OSTM1: variants seen among roughly 807,000 people sequenced by gnomAD.
OSTM1 encodes osteopetrosis-associated transmembrane protein 1.
OSTM1 carries 26 observed loss-of-function variants against 35.4 expected under a neutral mutation model. That is an observed-to-expected ratio of 0.73 (90% CI 0.54 to 1.02). OSTM1 has a LOEUF of 1.02. OSTM1 is among the 50% of genes least tolerant of loss of function. OSTM1 has a pLI of 0.00. For missense variants in OSTM1, 366 were observed against 409.6 expected, an observed-to-expected ratio of 0.89 and a Z score of 0.92; for synonymous variants, 181 against 165.0, an observed-to-expected ratio of 1.10 and a Z score of -0.75.
chr6:108,050,623 A>G (rs1772060606), intron 4 of OSTM1, among the ~76,000 whole-genome samples: 1 of 152,124 alleles, frequency 6.6e-6, no homozygotes, highest in South Asian at 2.1e-4. Context: ...CAGCCTCCCA[A>G]AGTACTGGGA....
At chr6:108,062,882 C>T (rs1644183645) in intron 2 of OSTM1, among the ~76,000 whole-genome samples, 1 of 151,990 alleles carries the variant, frequency 6.6e-6, no homozygotes, top group Non-Finnish European at 1.5e-5. Flanking sequence ...AAAATGTTGG[C>T]CCAAATAGTA....
Position 108,044,735 on chromosome 6 carries a change from G to T in OSTM1, c.*50C>A. The T allele has an allele frequency of 9.8e-7, 1 of 1,023,966 alleles. No individual in the cohort carries two copies. Among genetic ancestry groups the T allele is most frequent in the Non-Finnish European group, 1.5e-6 (1 of 654,092 alleles). 63.4% of individuals were successfully genotyped at this position (1,023,966 alleles called of 1,614,324 possible). A position where few individuals can be genotyped will look rare whatever the true frequency, so the allele number is the denominator to read the frequency against. On this transcript the variant is annotated 3_prime_UTR_variant, in exon 6 of 6. Transcript: ENST00000193322. ...TATCTTCTTTCTGAAACCAAGTTGT[G>T]TCTTCCACCATTCATTCACGTGATA...
At position 108,074,444 on chromosome 6, in the gene OSTM1, G is replaced by T; in HGVS notation, c.208C>A (p.Pro70Thr). The T allele has an allele frequency of 6.4e-7, 1 of 1,558,228 alleles. No individual in the cohort carries two copies. Among genetic ancestry groups the T allele is most frequent in the African/African-American group, 1.4e-5 (1 of 73,710 alleles). ...GGCAGGTCCGGGGGCAGCGACAGAG[G>T]CCCCAGCCCTCCACCCTGCAGGAGG... ...LSLLQGGGLGPLSLPPDLPDL... is the reference protein window; with the variant it reads ...LSLLQGGGLGTLSLPPDLPDL... The change falls in exon 1 of 6, where the codon CCT becomes ACT. Residue 70 changes from proline to threonine, a missense_variant. Physicochemically the swap from Pro to Thr is conservative, Grantham distance 38 (BLOSUM62 -1). This residue lies in a region of OSTM1 where 236 missense variants were observed against 239.3 expected (regional missense o/e 0.99). Transcript: ENST00000193322.
At position 108,043,843 on chromosome 6, in the gene OSTM1, C is replaced by CTTA. The variant is rs1185862773; in HGVS notation, c.*941_*942insTAA. On this transcript the variant is annotated 3_prime_UTR_variant, in exon 6 of 6. Transcript: ENST00000193322. Reference sequence around the variant, plus strand: ...AACAGTCTTACAGTGAGCATCCTCTCAGGTCCCTTTCTGCTCGCTGAACCT... The same window carrying CTTA: ...AACAGTCTTACAGTGAGCATCCTCTCTTAAGGTCCCTTTCTGCTCGCTGAACCT... 1 of 152,218 alleles carries CTTA rather than the reference C, an allele frequency of 6.6e-6. No homozygotes were observed. Among genetic ancestry groups the CTTA allele is most frequent in the Non-Finnish European group, 1.5e-5 (1 of 68,030 alleles). 9.4% of individuals were successfully genotyped at this position (152,218 alleles called of 1,614,324 possible). A position where few individuals can be genotyped will look rare whatever the true frequency, so the allele number is the denominator to read the frequency against.
chr6:108,061,193 G>T (rs1390360438), intron 2 of OSTM1, among the ~76,000 whole-genome samples: 2 of 151,742 alleles, frequency 1.3e-5, no homozygotes, highest in Non-Finnish European at 2.9e-5. Flanking sequence ...AATTTTAAAA[G>T]TCAGTATTCA....
At chr6:108,071,247 G>C (rs1334452314) in intron 1 of OSTM1, among the ~76,000 whole-genome samples, 4 of 151,538 alleles carry the variant, frequency 2.6e-5, no homozygotes, top group Non-Finnish European at 5.9e-5. Flanking sequence ...CTCCCCAAGA[G>C]ACAACTAATT....
rs190019074 is a variant in OSTM1, at chr6:108,048,802, C to T, written c.949+451G>A. ...AGTCTCACTCTGTCTCCCAGGCTGGCGTGCAGTGGTGCGATCTCGGTTCAC... is the reference window on the plus strand; with the variant it reads ...AGTCTCACTCTGTCTCCCAGGCTGGTGTGCAGTGGTGCGATCTCGGTTCAC... On this transcript the variant is annotated intron_variant, in intron 5 of 5. Transcript: ENST00000193322. Among the ~76,000 whole-genome samples the T allele has an allele frequency of 1.1e-4, 15 of 136,568 alleles. No individual in the cohort carries two copies. The East Asian group carries it at 2.8e-3, about 25-fold the overall frequency. The allele number at this position is 136,568 out of a possible 152,430, so 89.6% of individuals were successfully genotyped here. A position where few individuals can be genotyped will look rare whatever the true frequency, so the allele number is the denominator to read the frequency against.
intron 2 of OSTM1, 77 bp from the exon 3 acceptor site, chr6:108,054,664 C>A: frequency 1.4e-6 from 1 of 710,408 alleles, no homozygotes; most frequent in Non-Finnish European, 2.5e-6. Flanking sequence ...CTTAAGCTAT[C>A]AGCTTCGTTT....
chr6:108,067,969 A>G (rs1772410193), intron 1 of OSTM1, among the ~76,000 whole-genome samples: 1 of 151,650 alleles, frequency 6.6e-6, no homozygotes, highest in African/African-American at 2.4e-5. Flanking sequence ...CACTCTTCCC[A>G]TGTCCTCATC....
At chr6:108,045,506 A>C (rs1582384855) in intron 5 of OSTM1, among the ~76,000 whole-genome samples, 2 of 152,030 alleles carry the variant, frequency 1.3e-5, no homozygotes, top group African/African-American at 2.4e-5. Context: ...TGGGAAAAAA[A>C]AAAAACAAAA....
chr6:108,053,638 G>A (rs1315847322), intron 3 of OSTM1, among the ~76,000 whole-genome samples: 1 of 152,144 alleles, frequency 6.6e-6, no homozygotes, highest in African/African-American at 2.4e-5. Flanking sequence ...GCTAAGTTTT[G>A]TATTTTTAGT....
In OSTM1 at chr6:108,042,606, G is replaced by A. The variant is rs1044208525; in HGVS notation, c.*2179C>T. ...AATTTTTGTATTTTTTGCAGAGACA[G>A]TGTTTCACTATGTTGTCCAGGCTGG... is the stretch of plus-strand genomic sequence containing the variant. On this transcript the variant is annotated 3_prime_UTR_variant, in exon 6 of 6. Transcript: ENST00000193322. 8 of 151,788 alleles carry A rather than the reference G, an allele frequency of 5.3e-5. No homozygotes were observed. The highest frequency in any genetic ancestry group is 3.9e-4 in the East Asian group (2 of 5,170). 9.4% of individuals were successfully genotyped at this position (151,788 alleles called of 1,614,324 possible).
chr6:108,060,194 A>G (rs1343785936), intron 2 of OSTM1, among the ~76,000 whole-genome samples: 1 of 152,180 alleles, frequency 6.6e-6, no homozygotes, highest in Non-Finnish European at 1.5e-5. Flanking sequence ...TTAATTGGGA[A>G]GAGTCTTTTA....
In OSTM1 at chr6:108,067,596, C is replaced by T. The variant is rs554463836; in HGVS notation, c.403-3297G>A. Among the ~76,000 whole-genome samples, 15 of 152,092 alleles carry T rather than the reference C, an allele frequency of 9.9e-5. No individual in the cohort carries two copies. In the East Asian group the frequency reaches 1.9e-3, roughly 20 times the overall value. ...CCTGTATCCCAATACTTTGGGAGGC[C>T]GAGGCAGGCAGATCACCTAAGGTCA... On this transcript the variant is annotated intron_variant, in intron 1 of 5. Coordinates refer to ENST00000193322, the MANE Select transcript of OSTM1 (RefSeq NM_014028.4).
rs117394334 is a variant in OSTM1, at chr6:108,044,638, C to T, written c.*147G>A. On this transcript the variant is annotated 3_prime_UTR_variant, in exon 6 of 6. Coordinates refer to ENST00000193322, the MANE Select transcript of OSTM1 (RefSeq NM_014028.4). ...AAGAAGTGGAAAAGGAAAGAAAAAT[C>T]GAAAATTCTTATTTAAAAATGGATC... 4 of 513,118 alleles carry T rather than the reference C, an allele frequency of 7.8e-6. No homozygotes were observed. The highest frequency in any genetic ancestry group is 3.1e-5 in the East Asian group (1 of 31,884). The allele number at this position is 513,118 out of a possible 1,614,324, so 31.8% of individuals were successfully genotyped here.
chr6:108,072,966 G>A (rs1772512497), intron 1 of OSTM1, among the ~76,000 whole-genome samples: 1 of 151,922 alleles, frequency 6.6e-6, no homozygotes, highest in East Asian at 1.9e-4. Context: ...GTGCCACCAC[G>A]CCCGGATAAT....
intron 1 of OSTM1, among the ~76,000 whole-genome samples, chr6:108,067,726 A>G (rs867306687): frequency 6.8e-6 from 1 of 146,752 alleles, no homozygotes; most frequent in Non-Finnish European, 1.5e-5. Context: ...GCTACTCAGG[A>G]GGCTGAGGCT....
Position 108,051,140 on chromosome 6 carries a change from C to A in OSTM1, c.674G>T (p.Arg225Leu). ...ACTACTCAGAGTTTTGTATGCTTCA[C>A]GGCAGTTTTTGCATACTTCTGAATA... is the stretch of plus-strand genomic sequence containing the variant. ...KNYSEVCKNC[R>L]EAYKTLSSLY... The change falls in exon 4 of 6, where the codon CGT becomes CTT. Residue 225 changes from arginine (R) to leucine (L), a missense_variant. Coordinates refer to ENST00000193322, the MANE Select transcript of OSTM1 (RefSeq NM_014028.4). 3 of 1,613,288 alleles carry A rather than the reference C, an allele frequency of 1.9e-6. No individual in the cohort carries two copies. The highest frequency in any genetic ancestry group is 2.5e-6 in the Non-Finnish European group (3 of 1,179,376).
chr6:108,064,832 A>G (rs1009149303), intron 1 of OSTM1, among the ~76,000 whole-genome samples: 1 of 152,208 alleles, frequency 6.6e-6, no homozygotes, highest in Non-Finnish European at 1.5e-5. Context: ...GGAGTTATAC[A>G]GTGTGATGAA....
Sources: gnomAD v4.1 joint callset for allele counts (sites outside exome capture counted in the v4.1 genomes callset) on GRCh38, gnomAD v4.1.1 for gene constraint, gnomAD v4.1.1 regional missense constraint, MANE v1.5 for transcripts, NCBI Gene and HGNC (gene_info 2026-07-23, HGNC 2026-07-21) for gene names.